Variants in COG7 observed in about 807,000 individuals in gnomAD.
The protein encoded by COG7 is conserved oligomeric Golgi complex subunit 7.
Under a neutral mutation model 91.5 loss-of-function variants are expected in COG7, and 49 were observed. The ratio of observed to expected loss-of-function variants is 0.54; its 90% CI spans 0.43 to 0.68. COG7 has a LOEUF of 0.68. Ranked by LOEUF, COG7 falls within the 30% of genes least tolerant of loss-of-function variation. The probability of loss-of-function intolerance (pLI) is 0.00; values close to 1 mark genes in which losing one functional copy is unlikely to be tolerated. For synonymous variants in COG7, 365 were observed against 388.7 expected (o/e 0.94, Z 0.72); for missense variants, 895 against 961.3 (o/e 0.93, Z 0.91).
intron 1 of COG7, among the ~76,000 whole-genome samples, chr16:23,448,781 T>A (rs1408825772): frequency 6.6e-6 from 1 of 152,204 alleles, no homozygotes; most frequent in Non-Finnish European, 1.5e-5. Context: ...GTCCAGGCTC[T>A]CCATTCATTA....
chr16:23,424,605 T>A, intron 7 of COG7, 144 bp downstream of exon 7: 1 of 851,954 alleles, frequency 1.2e-6, no homozygotes, highest in Non-Finnish European at 1.9e-6. Context: ...GGAAAAGCCC[T>A]CCACATCTGC....
Position 23,393,220 on chromosome 16 carries a change from G to A in COG7, c.2002+13C>T, listed in dbSNP as rs780476188. 9 of 1,592,676 alleles carry A rather than the reference G, an allele frequency of 5.7e-6. No individual in the cohort carries two copies. The East Asian group carries it at 6.7e-5, about 12-fold the overall frequency. On this transcript the variant is annotated intron_variant, in intron 15 of 16. Coordinates refer to ENST00000307149, the MANE Select transcript of COG7 (RefSeq NM_153603.4). ...CTTGACTTGTAACATCGCCAGAAAC[G>A]GTCCCCGCTTACCCTGCTCAGGAGG...
chr16:23,399,468 A>G (rs1224616831), intron 13 of COG7, among the ~76,000 whole-genome samples: 4 of 152,184 alleles, frequency 2.6e-5, no homozygotes, highest in South Asian at 4.1e-4. Context: ...AGACAAAGAA[A>G]TGTAAGATTT....
intron 12 of COG7, 34 bp downstream of exon 12, chr16:23,406,042 C>A: frequency 6.3e-7 from 1 of 1,599,498 alleles, no homozygotes; most frequent in Non-Finnish European, 8.6e-7. Context: ...AGAAGCCTTT[C>A]ATTTGCAAGA....
intron 3 of COG7, among the ~76,000 whole-genome samples, chr16:23,444,776 G>A (rs930180017): frequency 9.9e-5 from 15 of 152,160 alleles, no homozygotes; most frequent in Admixed American, 3.9e-4. Context: ...AAAGAGCTGG[G>A]ATTTCAGGTA....
intron 3 of COG7, 107 bp from the exon 4 acceptor site, chr16:23,442,752 G>T: frequency 2.0e-6 from 2 of 1,011,342 alleles, no homozygotes; most frequent in Non-Finnish European, 3.1e-6. Flanking sequence ...TGAAAATGGG[G>T]CTGGGCATCG....
intron 11 of COG7, among the ~76,000 whole-genome samples, chr16:23,407,827 T>A (rs146968356): frequency 6.6e-6 from 1 of 151,884 alleles, no homozygotes; most frequent in African/African-American, 2.4e-5. Flanking sequence ...AAATCTAGCA[T>A]AAATTTACAA....
At position 23,424,764 on chromosome 16, in the gene COG7, G is replaced by A; in HGVS notation, c.994C>T (p.Leu332=). Residue 332 remains leucine, a synonymous_variant, in exon 7 of 17, where the codon CTG becomes TTG. Transcript: ENST00000307149. ...GAATGTTTACGTAGGTGGGGGAGCA[G>A]TGCCATCTCCAAGCCCTTGGCGAAG... ...AHFAKGLEMA[L]LPHLHEHNLV... 1 of 1,614,214 alleles carries A rather than the reference G, an allele frequency of 6.2e-7. No homozygotes were observed. Among genetic ancestry groups the A allele is most frequent in the Non-Finnish European group, 8.5e-7 (1 of 1,180,020 alleles).
In COG7 at chr16:23,445,097, T is replaced by C. The variant is rs150979217; in HGVS notation, c.386A>G (p.Asp129Gly). 2.4e-5 allele frequency: 38 copies of C among 1,614,040 alleles called. No homozygotes were observed. Among genetic ancestry groups the C allele is most frequent in the African/African-American group, 5.3e-5 (4 of 74,912 alleles). Residue 129 changes from aspartate (D) to glycine (G), a missense_variant, in exon 3 of 17, where the codon GAT (aspartate) becomes GGT (glycine). Physicochemically the swap from Asp to Gly is moderately conservative, Grantham distance 94. Transcript: ENST00000307149. ...QLAAESLQEA[D>G]KWSTLSADIE... Reference sequence around the variant, plus strand: ...ATCGGCGCTCAACGTGCTCCACTTATCTGCTTCCTGAAGAGATTCGGCAGC... The same window carrying C: ...ATCGGCGCTCAACGTGCTCCACTTACCTGCTTCCTGAAGAGATTCGGCAGC...
chr16:23,439,304 CAAAAAAAA>C (rs904010571), intron 4 of COG7, among the ~76,000 whole-genome samples: 1 of 38,850 alleles, frequency 2.6e-5, no homozygotes, highest in Non-Finnish European at 5.2e-5. Context: ...ACTGTGTCTC[CAAAAAAAA>C]AAAAAAAAAA....
chr16:23,399,188 C>G, intron 13 of COG7, among the ~76,000 whole-genome samples: 1 of 152,190 alleles, frequency 6.6e-6, no homozygotes, highest in East Asian at 1.9e-4. Flanking sequence ...TCAGCCTCGG[C>G]AGCCCTCCCC....
chr16:23,402,292 A>G (rs1378144461), intron 13 of COG7, among the ~76,000 whole-genome samples: 1 of 152,198 alleles, frequency 6.6e-6, no homozygotes, highest in Non-Finnish European at 1.5e-5. Context: ...CTGGACATCA[A>G]ACTGCTGACG....
intron 9 of COG7, 75 bp from the exon 10 acceptor site, chr16:23,413,639 A>T (rs1963605082): frequency 1.2e-6 from 1 of 848,066 alleles, no homozygotes; most frequent in Non-Finnish European, 2.1e-6. Context: ...GGAATTCTAC[A>T]GCTCTGGACA....
intron 4 of COG7, among the ~76,000 whole-genome samples, chr16:23,440,372 C>CAAA (rs765438790): frequency 1.3e-5 from 1 of 76,256 alleles, no homozygotes; most frequent in African/African-American, 5.0e-5. Context: ...GACTCCATCT[C>CAAA]AAAAAAAAAA....
chr16:23,401,149 T>C (rs1222916650), intron 13 of COG7, among the ~76,000 whole-genome samples: 2 of 152,216 alleles, frequency 1.3e-5, no homozygotes, highest in Non-Finnish European at 2.9e-5. Flanking sequence ...AAATCAAATA[T>C]AGCGTTGGTT....
chr16:23,408,331 GC>G lies in COG7; in HGVS notation c.1475+1963del, dbSNP rs1203925663. Among the ~76,000 whole-genome samples the G allele has an allele frequency of 1.3e-3, 52 of 39,288 alleles. 7 individuals are homozygous for G. Among genetic ancestry groups the G allele is most frequent in the South Asian group, 0.011 (9 of 838 alleles). The allele number at this position is 39,288 out of a possible 152,430, so 25.8% of individuals were successfully genotyped here. A position where few individuals can be genotyped will look rare whatever the true frequency, so the allele number is the denominator to read the frequency against. Reference sequence around the variant, plus strand: ...GGGGCGAGTGGGGCGGGAGGTAGGGGCGAGTGGGGCGGGAGGTAGGGGACGA... The same window carrying G: ...GGGGCGAGTGGGGCGGGAGGTAGGGGGAGTGGGGCGGGAGGTAGGGGACGA... On this transcript the variant is annotated intron_variant, in intron 11 of 16. Coordinates refer to ENST00000307149, the MANE Select transcript of COG7 (RefSeq NM_153603.4).
chr16:23,397,968 C>CT (rs1480957639), intron 14 of COG7, 78 bp downstream of exon 14: 3 of 1,276,010 alleles, frequency 2.4e-6, no homozygotes, highest in Non-Finnish European at 3.4e-6. Flanking sequence ...GGGGAAATGA[C>CT]TATAAGGGCA....
At chr16:23,416,903 A>G in intron 9 of COG7, 64 bp downstream of exon 9, 2 of 1,599,490 alleles carry the variant, frequency 1.3e-6, no homozygotes, top group South Asian at 2.2e-5. Flanking sequence ...GAACACGTGC[A>G]TTTTTATCTG....
chr16:23,432,161 A>AAAAC (rs1963945344), intron 6 of COG7, among the ~76,000 whole-genome samples: 2 of 152,238 alleles, frequency 1.3e-5, no homozygotes, highest in South Asian at 4.1e-4. Context: ...AAAACAAAAC[A>AAAAC]AAACAAAATC....
Sources: gnomAD v4.1 joint callset for allele counts (sites outside exome capture counted in the v4.1 genomes callset) on GRCh38, gnomAD v4.1.1 for gene constraint, MANE v1.5 for transcripts, NCBI Gene and HGNC (gene_info 2026-07-23, HGNC 2026-07-21) for gene names.